The following PSMG2 variants were observed in gnomAD, a reference collection of about 807,000 sequenced individuals.
PSMG2 encodes proteasome assembly chaperone 2, also known as CD40 ligand-activated specific transcript 3.
Under a neutral mutation model 31.5 loss-of-function variants are expected in PSMG2, and 21 were observed. The observed-to-expected ratio is 0.67, with a 90% CI of 0.47 to 0.96. The LOEUF is 0.96. PSMG2 is among the 40% of genes least tolerant of loss of function. The pLI, the probability that PSMG2 is intolerant of heterozygous loss-of-function variation, is 0.00. For synonymous variants in PSMG2, 120 were observed against 110.4 expected (o/e 1.09, Z -0.54); for missense variants, 318 against 321.2 (o/e 0.99, Z 0.08).
chr18:12,673,317 G>C, intron 1 of PSMG2: 1 of 1,563,886 alleles, frequency 6.4e-7, no homozygotes, highest in Non-Finnish European at 8.6e-7. Context: ...TGTACAATGT[G>C]TAAAATTCCA....
intron 1 of PSMG2, among the ~76,000 whole-genome samples, chr18:12,668,597 CAAAAAAAAAAAAAAAAAAAA>C (rs752216074): frequency 1.4e-5 from 1 of 72,836 alleles, no homozygotes; most frequent in Non-Finnish European, 2.4e-5. Context: ...GATTCCATCT[CAAAAAAAAAAAAAAAAAAAA>C]AAAAAAAAAA....
At chr18:12,704,431 T>C (rs1326259994) in intron 1 of PSMG2, among the ~76,000 whole-genome samples, 2 of 151,870 alleles carry the variant, frequency 1.3e-5, no homozygotes, top group African/African-American at 4.8e-5. Flanking sequence ...TACAAAAAAA[T>C]AAATAAAAAT....
At chr18:12,685,752 C>A (rs1307577438) in intron 1 of PSMG2, 1 of 152,724 alleles carries the variant, frequency 6.5e-6, no homozygotes, top group Non-Finnish European at 1.5e-5. Context: ...CTGCCTCAGC[C>A]TCCTGAGTAG....
At chr18:12,724,340 ACT>A (rs1215898648) in intron 5 of PSMG2, 157 bp from the exon 6 acceptor site, 11 of 681,966 alleles carry the variant, frequency 1.6e-5, no homozygotes, top group Admixed American at 1.5e-4. Context: ...CAAGTAGAAA[ACT>A]CTGTGTGGGG....
chr18:12,680,660 ACCTGTGT>A, intron 1 of PSMG2: 1 of 1,592,628 alleles, frequency 6.3e-7, no homozygotes. Context: ...TAGTAAACTA[ACCTGTGT>A]CCTGTTAAAC....
chr18:12,674,253 A>G (rs1228888428), intron 1 of PSMG2, among the ~76,000 whole-genome samples: 1 of 152,026 alleles, frequency 6.6e-6, no homozygotes, highest in Non-Finnish European at 1.5e-5. Flanking sequence ...CCTGGGCAAC[A>G]TAGGAAGACC....
chr18:12,679,777 T>C (rs1048884931), intron 1 of PSMG2, among the ~76,000 whole-genome samples: 2 of 152,060 alleles, frequency 1.3e-5, no homozygotes, highest in Admixed American at 6.6e-5. Context: ...AAAAAACATA[T>C]GCCAGCCAGG....
At chr18:12,703,369 A>G (rs1386528805) in intron 1 of PSMG2, among the ~76,000 whole-genome samples, 1 of 152,260 alleles carries the variant, frequency 6.6e-6, no homozygotes, top group Non-Finnish European at 1.5e-5. Flanking sequence ...AACGTAGTCA[A>G]GTCTACAATT....
intron 1 of PSMG2, 58 bp from the exon 2 acceptor site, chr18:12,706,492 A>C (rs1413205162): frequency 1.9e-6 from 3 of 1,573,810 alleles, no homozygotes; most frequent in Admixed American, 1.7e-5. Flanking sequence ...GTTTCAAAAA[A>C]TAAAATAAAG....
intron 1 of PSMG2, among the ~76,000 whole-genome samples, chr18:12,704,481 C>T (rs1016577575): frequency 3.3e-5 from 5 of 151,922 alleles, no homozygotes; most frequent in Non-Finnish European, 5.9e-5. Flanking sequence ...CTCAGCTACT[C>T]GGGAAGCTGA....
intron 6 of PSMG2, 79 bp downstream of exon 6, chr18:12,724,698 AC>A: frequency 7.7e-7 from 1 of 1,293,500 alleles, no homozygotes; most frequent in East Asian, 2.7e-5. Context: ...ACCTAAGTAG[AC>A]CAAGTAAGTG....
chr18:12,693,744 C>G (rs1013499020), intron 1 of PSMG2, among the ~76,000 whole-genome samples: 1 of 152,110 alleles, frequency 6.6e-6, no homozygotes, highest in Non-Finnish European at 1.5e-5. Context: ...GATTGCGCCA[C>G]TGCACTCCAA....
chr18:12,702,453 C>T, upstream of PSMG2: 1 of 1,539,752 alleles, frequency 6.5e-7, no homozygotes, highest in South Asian at 1.1e-5. Context: ...ATGGGTCGGC[C>T]CGGCGGTCTC....
At chr18:12,713,258 CT>C (rs1422385668) in intron 3 of PSMG2, among the ~76,000 whole-genome samples, 1 of 152,184 alleles carries the variant, frequency 6.6e-6, no homozygotes, top group Non-Finnish European at 1.5e-5. Context: ...TCACTACTCT[CT>C]TTGAAACCCT....
intron 1 of PSMG2, among the ~76,000 whole-genome samples, chr18:12,696,809 G>A (rs1480121807): frequency 1.3e-5 from 2 of 152,112 alleles, no homozygotes; most frequent in Admixed American, 6.6e-5. Flanking sequence ...AAAAGGTTGG[G>A]AGAACATCTA....
chr18:12,718,316 T>G (rs772722655), intron 3 of PSMG2, among the ~76,000 whole-genome samples: 1 of 152,250 alleles, frequency 6.6e-6, no homozygotes, highest in Non-Finnish European at 1.5e-5. Flanking sequence ...GATTTCTTAA[T>G]TATAAAGATA....
chr18:12,723,157 T>G (rs2040446320), intron 5 of PSMG2, among the ~76,000 whole-genome samples: 1 of 152,216 alleles, frequency 6.6e-6, no homozygotes, highest in African/African-American at 2.4e-5. Context: ...TGCCTTTCCT[T>G]CCTTAGAACT....
rs1222721405 is a variant in PSMG2, at chr18:12,705,574, A to AGTGTGTGT, written c.58-975_58-974insTGTGTGTG. Among the ~76,000 whole-genome samples the AGTGTGTGT allele has an allele frequency of 6.2e-3, 835 of 135,758 alleles. 2 individuals are homozygous for AGTGTGTGT. The highest frequency in any genetic ancestry group is 0.015 in the Middle Eastern group (4 of 272). The allele number at this position is 135,758 out of a possible 152,430, so 89.1% of individuals were successfully genotyped here. On this transcript the variant is annotated intron_variant, in intron 1 of 6. Coordinates refer to ENST00000317615, the MANE Select transcript of PSMG2 (RefSeq NM_020232.5). The stretch of plus-strand genomic sequence containing the variant: ...GAGAGAGAGAGAGAGAGAGAGAGAG[A>AGTGTGTGT]GAGTGTGTGTGTGTGTGTGTGTGTG...
intron 2 of PSMG2, among the ~76,000 whole-genome samples, chr18:12,709,605 T>TG (rs2040308574): frequency 6.6e-6 from 1 of 151,766 alleles, no homozygotes; most frequent in African/African-American, 2.4e-5. Flanking sequence ...TTCAAGCAAT[T>TG]CTCTTGCCTC....
Sources: gnomAD v4.1 joint callset for allele counts (sites outside exome capture counted in the v4.1 genomes callset) on GRCh38, gnomAD v4.1.1 for gene constraint, MANE v1.5 for transcripts, NCBI Gene and HGNC (gene_info 2026-07-23, HGNC 2026-07-21) for gene names.